The following PDE4D variants were observed in gnomAD, a reference collection of about 807,000 sequenced individuals.
PDE4D encodes 3',5'-cyclic-AMP phosphodiesterase 4D.
A neutral mutation model predicts 87.4 loss-of-function variants in PDE4D; 24 were observed. The observed-to-expected ratio is 0.27, with a 90% confidence interval of 0.20 to 0.39. PDE4D has a LOEUF of 0.39. PDE4D is among the 10% of genes least tolerant of loss of function. PDE4D has a pLI of 1.00. For missense variants in PDE4D, 714 were observed against 1,041.0 expected, an observed-to-expected ratio of 0.69 and a Z score of 4.32; for synonymous variants, 384 against 383.2, an observed-to-expected ratio of 1.00 and a Z score of -0.02.
chr5:59,913,165 C>T (rs900253616), intron 3 of PDE4D, among the ~76,000 whole-genome samples: 1 of 152,102 alleles, frequency 6.6e-6, no homozygotes, highest in African/African-American at 2.4e-5. Context: ...TTCATTTTTT[C>T]TTATTTTTAT....
chr5:59,583,002 CTTTAGCTTCTATCT>C (rs1391383865), intron 1 of PDE4D, among the ~76,000 whole-genome samples: 1 of 152,138 alleles, frequency 6.6e-6, no homozygotes, highest in Non-Finnish European at 1.5e-5. Context: ...TAGCCAGGGC[CTTTAGCTTCTATCT>C]TCCACTGTCC....
At chr5:59,436,923 A>G (rs1029204001) in intron 1 of PDE4D, among the ~76,000 whole-genome samples, 1 of 152,232 alleles carries the variant, frequency 6.6e-6, no homozygotes, top group Non-Finnish European at 1.5e-5. Context: ...AAGTTAGTGA[A>G]TCAGGTATCT....
chr5:59,353,783 C>T (rs1780911907), intron 1 of PDE4D, among the ~76,000 whole-genome samples: 1 of 151,782 alleles, frequency 6.6e-6, no homozygotes, highest in South Asian at 2.1e-4. Flanking sequence ...TTCTTTCTGC[C>T]TCAATCAAAC....
chr5:59,602,963 T>C (rs1003453149), intron 1 of PDE4D, among the ~76,000 whole-genome samples: 4 of 152,086 alleles, frequency 2.6e-5, no homozygotes, highest in Non-Finnish European at 1.5e-5. Context: ...TAAATGGTGC[T>C]GGGAAAACTG....
At chr5:59,146,366 TA>T (rs1044994572) in intron 5 of PDE4D, among the ~76,000 whole-genome samples, 1 of 152,200 alleles carries the variant, frequency 6.6e-6, no homozygotes. Flanking sequence ...AAGCTGTTAA[TA>T]ATCGATCCTT....
At chr5:59,920,451 T>G (rs917075832) in intron 3 of PDE4D, among the ~76,000 whole-genome samples, 39 of 152,206 alleles carry the variant, frequency 2.6e-4, no homozygotes, top group African/African-American at 9.2e-4. Flanking sequence ...TGTGGTATTT[T>G]ATATTTGCAG....
At chr5:59,497,334 C>G (rs1807408521) in intron 1 of PDE4D, among the ~76,000 whole-genome samples, 1 of 151,978 alleles carries the variant, frequency 6.6e-6, no homozygotes, top group Admixed American at 6.6e-5. Flanking sequence ...AGCAATGAAC[C>G]CTAACCAGAA....
chr5:59,091,139 A>G (rs984551119), intron 5 of PDE4D: 1 of 453,808 alleles, frequency 2.2e-6, no homozygotes, highest in Non-Finnish European at 4.4e-6. Context: ...TCATTTGAAA[A>G]AAAAGAAAGA....
intron 5 of PDE4D, among the ~76,000 whole-genome samples, chr5:59,153,961 G>A (rs1453292732): frequency 6.6e-6 from 1 of 152,148 alleles, no homozygotes; most frequent in Non-Finnish European, 1.5e-5. Flanking sequence ...TTTAGATGGT[G>A]AGAAGAGTAC....
intron 1 of PDE4D, among the ~76,000 whole-genome samples, chr5:59,805,317 T>C (rs1767615115): frequency 2.0e-5 from 3 of 152,160 alleles, no homozygotes; most frequent in Admixed American, 2.0e-4. Flanking sequence ...AGTTAGTAGA[T>C]AGATATCACC....
intron 1 of PDE4D, among the ~76,000 whole-genome samples, chr5:59,348,788 A>C (rs1055995414): frequency 1.3e-5 from 2 of 152,028 alleles, no homozygotes; most frequent in African/African-American, 4.8e-5. Flanking sequence ...CACTATTACC[A>C]GCTAATGAAT....
chr5:59,817,749 C>CA (rs1221645076), intron 1 of PDE4D, among the ~76,000 whole-genome samples: 14 of 150,906 alleles, frequency 9.3e-5, no homozygotes, highest in African/African-American at 3.1e-4. Context: ...CACACCCCCC[C>CA]CCACACACAC....
At chr5:59,851,505 T>C (rs1204390618) in intron 1 of PDE4D, among the ~76,000 whole-genome samples, 3 of 152,022 alleles carry the variant, frequency 2.0e-5, no homozygotes, top group Non-Finnish European at 4.4e-5. Flanking sequence ...AGGCCTTGTG[T>C]AATTTCCACT....
At chr5:59,621,965 A>G (rs1830397941) in intron 1 of PDE4D, among the ~76,000 whole-genome samples, 1 of 152,194 alleles carries the variant, frequency 6.6e-6, no homozygotes, top group Non-Finnish European at 1.5e-5. Flanking sequence ...TATACGTTAT[A>G]GTTTATATTT....
intron 5 of PDE4D, among the ~76,000 whole-genome samples, chr5:59,175,148 C>T (rs552965229): frequency 6.6e-6 from 1 of 152,182 alleles, no homozygotes; most frequent in African/African-American, 2.4e-5. Flanking sequence ...ATGGCTTGGG[C>T]ATCTCTGACT....
At position 59,475,189 on chromosome 5, in the gene PDE4D, A is replaced by AATAAAGAATTTTAGG. The variant is rs562882011; in HGVS notation, c.456-259222_456-259221insCCTAAAATTCTTTAT. 5.1e-3 allele frequency among the ~76,000 whole-genome samples: 771 copies of AATAAAGAATTTTAGG among 152,050 alleles called. 9 individuals carry two copies. Among genetic ancestry groups the AATAAAGAATTTTAGG allele is most frequent in the African/African-American group, 0.018 (755 of 41,496 alleles). ...ACCGTTAGAGAATTTTAGACTTTAG[A>AATAAAGAATTTTAGG]ATAAAGCTGAGGGATCCTCAGAGGG... On this transcript the variant is annotated intron_variant, in intron 1 of 14. Coordinates refer to ENST00000340635, the MANE Select transcript of PDE4D (RefSeq NM_001104631.2).
chr5:59,287,848 C>G (rs2153553490), intron 1 of PDE4D, among the ~76,000 whole-genome samples: 1 of 152,138 alleles, frequency 6.6e-6, no homozygotes, highest in Admixed American at 6.5e-5. Flanking sequence ...TGGATATTAT[C>G]CAAGACTACT....
intron 1 of PDE4D, among the ~76,000 whole-genome samples, chr5:59,504,659 A>T (rs1808904780): frequency 1.3e-5 from 2 of 152,122 alleles, no homozygotes; most frequent in Non-Finnish European, 2.9e-5. Flanking sequence ...GAAAACTGTT[A>T]AGAAAGCCCA....
chr5:59,574,154 T>TTATA (rs767299592), intron 1 of PDE4D, among the ~76,000 whole-genome samples: 2 of 88,956 alleles, frequency 2.2e-5, no homozygotes, highest in African/African-American at 1.0e-4. Context: ...AAATATATAT[T>TTATA]TATATATATA....
Sources: gnomAD v4.1 joint callset for allele counts (sites outside exome capture counted in the v4.1 genomes callset) on GRCh38, gnomAD v4.1.1 for gene constraint, MANE v1.5 for transcripts, NCBI Gene and HGNC (gene_info 2026-07-23, HGNC 2026-07-21) for gene names.